SLC6A15: variants seen among roughly 807,000 people sequenced by gnomAD.
SLC6A15 encodes solute carrier family 6 member 15, also known as sodium-dependent neutral amino acid transporter B(0)AT2.
Under a neutral mutation model 68.5 loss-of-function variants are expected in SLC6A15, and 33 were observed. That is an observed-to-expected ratio of 0.48 (90% CI 0.37 to 0.64). The LOEUF is 0.64. Among genes scored for constraint, SLC6A15 ranks in the 30% least tolerant of loss-of-function variants. SLC6A15 has a pLI of 0.00. For missense variants in SLC6A15, 747 were observed against 874.3 expected (o/e 0.85, Z 1.84); for synonymous variants, 347 against 301.0 (o/e 1.15, Z -1.58).
At chr12:84,903,514 A>C (rs2120727099) in intron 1 of SLC6A15, among the ~76,000 whole-genome samples, 1 of 152,332 alleles carries the variant, frequency 6.6e-6, no homozygotes, top group African/African-American at 2.4e-5. Flanking sequence ...CAAAGAATCC[A>C]AATTAAGTTA....
At chr12:84,872,326 A>G (rs1171169388) in intron 8 of SLC6A15, among the ~76,000 whole-genome samples, 1 of 152,206 alleles carries the variant, frequency 6.6e-6, no homozygotes. Flanking sequence ...TCATCATTCT[A>G]TGATGAAAAT....
At chr12:84,863,689 A>G (rs1870947489) in intron 10 of SLC6A15, 88 bp from the exon 11 acceptor site, 1 of 930,710 alleles carries the variant, frequency 1.1e-6, no homozygotes, top group Non-Finnish European at 1.5e-6. Context: ...TCTGACAAAC[A>G]TTTACCATTG....
chr12:84,869,306 C>CA (rs961396421), intron 9 of SLC6A15, among the ~76,000 whole-genome samples: 2 of 151,654 alleles, frequency 1.3e-5, no homozygotes, highest in Admixed American at 6.6e-5. Flanking sequence ...AAAAAAAATA[C>CA]AAAAAATTAG....
intron 1 of SLC6A15, among the ~76,000 whole-genome samples, chr12:84,898,319 G>A (rs554486484): frequency 4.6e-5 from 7 of 152,292 alleles, no homozygotes; most frequent in Non-Finnish European, 8.8e-5. Flanking sequence ...CAGCCTGGGT[G>A]ACAGAGTGAG....
At chr12:84,866,440 ACT>A (rs1454141130) in intron 10 of SLC6A15, among the ~76,000 whole-genome samples, 3 of 152,208 alleles carry the variant, frequency 2.0e-5, no homozygotes, top group South Asian at 2.1e-4. Context: ...TTAAGTAATG[ACT>A]CTATATAAAA....
intron 5 of SLC6A15, chr12:84,882,142 C>T (rs1468098769): frequency 3.0e-6 from 3 of 985,194 alleles, no homozygotes; most frequent in Non-Finnish European, 3.6e-6. Context: ...AGAAACAAAA[C>T]GTGGTAGTAA....
In SLC6A15 at chr12:84,895,339, ATTTTTTTTTTTTTT is replaced by A. The variant is rs67339994; in HGVS notation, c.-188-3045_-188-3032del. Among the ~76,000 whole-genome samples the A allele has an allele frequency of 2.9e-4, 16 of 54,786 alleles. 1 individual carries two copies. The highest frequency in any genetic ancestry group is 1.0e-3 in the African/African-American group (15 of 14,844). 35.9% of individuals were successfully genotyped at this position (54,786 alleles called of 152,430 possible). On this transcript the variant is annotated intron_variant, in intron 1 of 11. Coordinates refer to ENST00000266682, the MANE Select transcript of SLC6A15 (RefSeq NM_182767.6). ...CTTAGATGTTTTCATTTTTGTTTGT[ATTTTTTTTTTTTTT>A]TTTTTTTTTTTTTTGAGATGGAGTC...
At chr12:84,886,121 C>CTGA in intron 2 of SLC6A15, 53 bp from the exon 3 acceptor site, 1 of 1,233,978 alleles carries the variant, frequency 8.1e-7, no homozygotes, top group Non-Finnish European at 1.2e-6. Flanking sequence ...GTAGAAAATA[C>CTGA]ACTAGTTCAG....
chr12:84,884,398 C>T (rs186233547), intron 4 of SLC6A15, among the ~76,000 whole-genome samples: 239 of 152,082 alleles, frequency 1.6e-3, no homozygotes, highest in African/African-American at 3.7e-3. Context: ...CTCTGCCTCC[C>T]GGATTCAAGT....
intron 1 of SLC6A15, among the ~76,000 whole-genome samples, chr12:84,893,587 T>C (rs1393083697): frequency 1.3e-5 from 2 of 152,172 alleles, no homozygotes; most frequent in African/African-American, 2.4e-5. Flanking sequence ...TATGAAATGG[T>C]AGCCCAAGAA....
intron 1 of SLC6A15, among the ~76,000 whole-genome samples, chr12:84,902,695 TGCATGTACCTAAA>T (rs1354920440): frequency 6.6e-6 from 1 of 151,922 alleles, no homozygotes; most frequent in Non-Finnish European, 1.5e-5. Context: ...TGCAACAACT[TGCATGTACCTAAA>T]GGAAATGATA....
chr12:84,882,118 G>A (rs1174841032), intron 5 of SLC6A15: 1 of 985,264 alleles, frequency 1.0e-6, no homozygotes, highest in Admixed American at 6.2e-5. Context: ...CTAAGACACA[G>A]ACTAAGAAGA....
At chr12:84,888,168 A>G (rs1872208097) in intron 2 of SLC6A15, among the ~76,000 whole-genome samples, 1 of 150,764 alleles carries the variant, frequency 6.6e-6, no homozygotes, top group Non-Finnish European at 1.5e-5. Context: ...TGAGGTGGGA[A>G]GACTGACTCT....
intron 5 of SLC6A15, chr12:84,883,131 A>G: frequency 1.0e-6 from 1 of 980,006 alleles, no homozygotes; most frequent in Non-Finnish European, 1.2e-6. Context: ...GGAGAGCTTT[A>G]GAACAATGGC....
intron 5 of SLC6A15, chr12:84,882,126 A>G: frequency 1.0e-6 from 1 of 985,424 alleles, no homozygotes; most frequent in Non-Finnish European, 1.2e-6. Context: ...CAGACTAAGA[A>G]GAAACAGAAA....
Position 84,886,068 on chromosome 12 carries a change from C to T in SLC6A15, c.290G>A (p.Gly97Asp), listed in dbSNP as rs1872087436. The T allele has an allele frequency of 6.4e-7, 1 of 1,569,814 alleles. No homozygotes were observed. ...FPYLCQKNGG[G>D]AYLLPYLILL... ...TATTAAATATGGTAAAAGATATGCACCTAAAGAAACAACAACAAAAAATAG... is the reference window on the plus strand; with the variant it reads ...TATTAAATATGGTAAAAGATATGCATCTAAAGAAACAACAACAAAAAATAG... The change falls in exon 3 of 12, where the codon GGT becomes GAT. Residue 97 changes from glycine to aspartate, a missense_variant and splice_region_variant. Physicochemically the swap from Gly to Asp is moderately conservative, Grantham distance 94. Coordinates refer to ENST00000266682, the MANE Select transcript of SLC6A15 (RefSeq NM_182767.6).
At chr12:84,910,330 G>GA (rs1482964918) in intron 1 of SLC6A15, among the ~76,000 whole-genome samples, 2 of 151,748 alleles carry the variant, frequency 1.3e-5, no homozygotes, top group African/African-American at 4.8e-5. Flanking sequence ...TTTATTTAGA[G>GA]AAAAATGGTT....
intron 11 of SLC6A15, among the ~76,000 whole-genome samples, chr12:84,863,010 C>A (rs1307753343): frequency 1.3e-5 from 2 of 152,128 alleles, no homozygotes; most frequent in Non-Finnish European, 2.9e-5. Context: ...AGGCTGCTCT[C>A]AAGCTGCTGG....
At chr12:84,888,262 GA>G (rs35670280) in intron 2 of SLC6A15, among the ~76,000 whole-genome samples, 19,654 of 109,238 alleles carry the variant, frequency 0.18, 1,436 homozygotes, top group Middle Eastern at 0.31. Context: ...AGACCTTGTC[GA>G]AAAAAAAAAA....
Sources: gnomAD v4.1 joint callset for allele counts (sites outside exome capture counted in the v4.1 genomes callset) on GRCh38, gnomAD v4.1.1 for gene constraint, MANE v1.5 for transcripts, NCBI Gene and HGNC (gene_info 2026-07-23, HGNC 2026-07-21) for gene names.